The following FAM184A variants were observed in gnomAD, a reference collection of about 807,000 sequenced individuals.
The protein encoded by FAM184A is protein FAM184A.
In FAM184A, 99 loss-of-function variants were observed where a neutral mutation model predicts 143.8. The observed-to-expected ratio is 0.69, with a 90% CI of 0.58 to 0.81. FAM184A has a LOEUF of 0.81. FAM184A is among the 40% of genes least tolerant of loss of function. The pLI is 0.00. For missense variants in FAM184A, 1,217 were observed against 1,310.5 expected, an observed-to-expected ratio of 0.93 and a Z score of 1.10; for synonymous variants, 427 against 446.4, an observed-to-expected ratio of 0.96 and a Z score of 0.55.
chr6:118,968,917 A>T (rs1783582633), intron 14 of FAM184A, among the ~76,000 whole-genome samples: 1 of 152,140 alleles, frequency 6.6e-6, no homozygotes, highest in African/African-American at 2.4e-5. Context: ...ATTATCAGTT[A>T]ATCTTCTCTA....
At chr6:119,038,328 T>C (rs768433936) in intron 1 of FAM184A, among the ~76,000 whole-genome samples, 6 of 152,168 alleles carry the variant, frequency 3.9e-5, no homozygotes, top group Non-Finnish European at 8.8e-5. Context: ...CTGAGTAAAA[T>C]GAGGCTGAAA....
At chr6:119,048,810 A>G (rs1786634308) in intron 1 of FAM184A, among the ~76,000 whole-genome samples, 1 of 151,970 alleles carries the variant, frequency 6.6e-6, no homozygotes, top group Non-Finnish European at 1.5e-5. Flanking sequence ...GACTGGTTGA[A>G]AGATCTCCAC....
chr6:118,978,739 A>T (rs1783922732), intron 11 of FAM184A, among the ~76,000 whole-genome samples: 1 of 151,800 alleles, frequency 6.6e-6, no homozygotes. Flanking sequence ...GTATGACAAC[A>T]TGTTAAAAAT....
chr6:119,016,469 C>T (rs1303103896), intron 5 of FAM184A, among the ~76,000 whole-genome samples: 2 of 152,040 alleles, frequency 1.3e-5, no homozygotes, highest in African/African-American at 4.8e-5. Flanking sequence ...ACTCCAGACG[C>T]GCTACCTTAA....
At chr6:119,111,257 T>C (rs905479220) in intron 1 of FAM184A, among the ~76,000 whole-genome samples, 3 of 152,164 alleles carry the variant, frequency 2.0e-5, no homozygotes, top group African/African-American at 2.4e-5. Context: ...AATAAGCCAA[T>C]TACAAAAAGA....
chr6:119,128,039 A>G (rs1287356306), intron 1 of FAM184A, among the ~76,000 whole-genome samples: 1 of 152,204 alleles, frequency 6.6e-6, no homozygotes, highest in Non-Finnish European at 1.5e-5. Flanking sequence ...AGGTGGAGGT[A>G]GAGTAGCCAG....
intron 9 of FAM184A, among the ~76,000 whole-genome samples, chr6:118,989,457 T>A (rs1784296726): frequency 8.5e-6 from 1 of 118,140 alleles, no homozygotes; most frequent in Non-Finnish European, 2.1e-5. Flanking sequence ...AATGCAATTT[T>A]CTTTTGTTTC....
chr6:119,008,727 TTG>T (rs1377850323), intron 6 of FAM184A, among the ~76,000 whole-genome samples: 7 of 152,316 alleles, frequency 4.6e-5, no homozygotes, highest in African/African-American at 1.7e-4. Context: ...CTACCTCTAT[TTG>T]TTCTTCTCTA....
chr6:119,106,757 ATGT>A (rs1207243172), intron 1 of FAM184A, among the ~76,000 whole-genome samples: 1 of 152,248 alleles, frequency 6.6e-6, no homozygotes, highest in African/African-American at 2.4e-5. Flanking sequence ...TGGCACAAAG[ATGT>A]TGTAACAAAG....
intron 17 of FAM184A, among the ~76,000 whole-genome samples, chr6:118,960,535 T>A (rs1783287918): frequency 6.6e-6 from 1 of 152,340 alleles, no homozygotes; most frequent in East Asian, 1.9e-4. Flanking sequence ...ACCTTTTCTC[T>A]TTTAGCTGAT....
intron 9 of FAM184A, among the ~76,000 whole-genome samples, chr6:119,002,528 A>G (rs1784795572): frequency 6.6e-6 from 1 of 152,152 alleles, no homozygotes; most frequent in Non-Finnish European, 1.5e-5. Flanking sequence ...GGTTTTAGGT[A>G]ATCATGATAC....
At chr6:119,097,130 TCCAC>T (rs1788529681) in intron 1 of FAM184A, among the ~76,000 whole-genome samples, 1 of 152,114 alleles carries the variant, frequency 6.6e-6, no homozygotes, top group Non-Finnish European at 1.5e-5. Flanking sequence ...GACATTCCCT[TCCAC>T]CCTTCCCATC....
At chr6:119,091,410 C>T (rs548312873) in intron 1 of FAM184A, among the ~76,000 whole-genome samples, 1 of 152,280 alleles carries the variant, frequency 6.6e-6, no homozygotes, top group African/African-American at 2.4e-5. Flanking sequence ...CCTAATCATG[C>T]AGAGTATTGT....
chr6:119,006,026 A>G (rs2114646879), intron 7 of FAM184A: 1 of 738,940 alleles, frequency 1.4e-6, no homozygotes, highest in Admixed American at 1.8e-5. Context: ...TTGGAAATAC[A>G]GTCAGTACAG....
intron 1 of FAM184A, among the ~76,000 whole-genome samples, chr6:119,090,671 G>A (rs1224041738): frequency 6.6e-6 from 1 of 152,174 alleles, no homozygotes; most frequent in Non-Finnish European, 1.5e-5. Flanking sequence ...GCAAGCAAAT[G>A]TCCCTTGCTG....
At position 119,024,494 on chromosome 6, in the gene FAM184A, T is replaced by C. The variant is rs1562478678; in HGVS notation, c.479A>G (p.Glu160Gly). The C allele has an allele frequency of 6.2e-7, 1 of 1,613,596 alleles. No homozygotes were observed. The highest frequency in any genetic ancestry group is 1.7e-5 in the Admixed American group (1 of 59,868). Reference sequence around the variant, plus strand: ...TTTTTCTTCAAATTTCCTTCTAATCTCTTCGACTTCTCTAGACATGGTCAC... The same window carrying C: ...TTTTTCTTCAAATTTCCTTCTAATCCCTTCGACTTCTCTAGACATGGTCAC... The part of the protein sequence containing the change: ...RIVTMSREVE[E>G]IRRKFEEKLR... The change falls in exon 2 of 18, where the codon GAG becomes GGG. Residue 160 changes from glutamate to glycine, a missense_variant. Coordinates refer to ENST00000338891, the MANE Select transcript of FAM184A (RefSeq NM_024581.6).
chr6:119,096,598 T>A (rs112879499), intron 1 of FAM184A, among the ~76,000 whole-genome samples: 8,338 of 104,086 alleles, frequency 0.08, 2,567 homozygotes, highest in Non-Finnish European at 0.12. Context: ...ATTGCGCCAC[T>A]GCAGTCCGCA....
chr6:119,139,145 A>G (rs1232891654), intron 1 of FAM184A, among the ~76,000 whole-genome samples: 1 of 152,172 alleles, frequency 6.6e-6, no homozygotes, highest in East Asian at 1.9e-4. Flanking sequence ...ATCATGAAAC[A>G]GAAGTGGTTT....
chr6:119,083,691 GA>G (rs1426485345), intron 1 of FAM184A, among the ~76,000 whole-genome samples: 1 of 152,102 alleles, frequency 6.6e-6, no homozygotes, highest in East Asian at 1.9e-4. Context: ...ATCTTCATCT[GA>G]AACCACCTCA....
Sources: gnomAD v4.1 joint callset for allele counts (sites outside exome capture counted in the v4.1 genomes callset) on GRCh38, gnomAD v4.1.1 for gene constraint, MANE v1.5 for transcripts, NCBI Gene and HGNC (gene_info 2026-07-23, HGNC 2026-07-21) for gene names.